Variants in HYDIN observed in about 807,000 individuals in gnomAD.
HYDIN encodes HYDIN axonemal central pair apparatus protein.
In HYDIN, 132 loss-of-function variants were observed where a neutral mutation model predicts 403.9. The ratio of observed to expected loss-of-function variants is 0.33; its 90% CI spans 0.28 to 0.38. The LOEUF (loss-of-function observed/expected upper bound fraction) is 0.38. Ranked by LOEUF, HYDIN falls within the 10% of genes least tolerant of loss-of-function variation. The pLI is 1.00. For missense variants in HYDIN, 2,827 were observed against 5,009.5 expected (o/e 0.56, Z 13.15); for synonymous variants, 1,202 against 1,891.7 (o/e 0.64, Z 9.46).
rs957555445 is a variant in HYDIN, at chr16:70,802,964, G to C, written c.*4616C>G. On this transcript the variant is annotated 3_prime_UTR_variant, in exon 86 of 86. Coordinates refer to ENST00000393567, the MANE Select transcript of HYDIN (RefSeq NM_001270974.2). ...GTTTGGTTTTAGGATTTTGATGATG[G>C]TTGATGAAAAACACTGAAAAAATGT... 19 of 152,136 alleles carry C rather than the reference G, an allele frequency of 1.2e-4. No homozygotes were observed. The highest frequency in any genetic ancestry group is 2.6e-4 in the Non-Finnish European group (18 of 68,026). 9.4% of individuals were successfully genotyped at this position (152,136 alleles called of 1,614,324 possible). A position where few individuals can be genotyped will look rare whatever the true frequency, so the allele number is the denominator to read the frequency against.
At chr16:71,074,226 T>A (rs946511457) in intron 13 of HYDIN, among the ~76,000 whole-genome samples, 8 of 151,478 alleles carry the variant, frequency 5.3e-5, no homozygotes, top group African/African-American at 1.9e-4. Flanking sequence ...ATAACTAAAA[T>A]ATTCCTCCAA....
At chr16:70,808,547 T>C (rs1342723770) in intron 85 of HYDIN, among the ~76,000 whole-genome samples, 1 of 152,156 alleles carries the variant, frequency 6.6e-6, no homozygotes, top group Non-Finnish European at 1.5e-5. Context: ...GAGATGGTGC[T>C]TGAATCCCAA....
intron 10 of HYDIN, among the ~76,000 whole-genome samples, chr16:71,095,601 C>T (rs368172607): frequency 1.3e-5 from 2 of 150,992 alleles, no homozygotes; most frequent in Admixed American, 1.3e-4. Flanking sequence ...GGATCTTACC[C>T]GATGCTTACT....
chr16:71,086,081 C>T (rs574822639), intron 12 of HYDIN, among the ~76,000 whole-genome samples: 1 of 152,204 alleles, frequency 6.6e-6, no homozygotes, highest in Admixed American at 6.6e-5. Flanking sequence ...CTCTATTCCT[C>T]CATTACTGCC....
chr16:71,074,596 A>T (rs1396444278), intron 13 of HYDIN, among the ~76,000 whole-genome samples: 1 of 136,494 alleles, frequency 7.3e-6, no homozygotes, highest in African/African-American at 2.7e-5. Context: ...AGGCAGGAGA[A>T]TTGCTTGCTC....
At chr16:71,096,457 A>C (rs1405003493) in intron 10 of HYDIN, among the ~76,000 whole-genome samples, 2 of 151,946 alleles carry the variant, frequency 1.3e-5, no homozygotes, top group Admixed American at 6.5e-5. Flanking sequence ...TTTCTTCTCC[A>C]CTTTTCACCT....
intron 18 of HYDIN, among the ~76,000 whole-genome samples, chr16:71,037,757 TG>T (rs1159173678): frequency 1.3e-5 from 2 of 152,294 alleles, no homozygotes; most frequent in African/African-American, 2.4e-5. Context: ...GCCAATGACC[TG>T]GGGGGCCCAG....
intron 84 of HYDIN, among the ~76,000 whole-genome samples, chr16:70,813,907 T>C (rs1175482090): frequency 3.3e-5 from 5 of 152,112 alleles, no homozygotes; most frequent in Non-Finnish European, 5.9e-5. Flanking sequence ...TGCTCTGATA[T>C]TGGCACAAAT....
At chr16:70,881,224 CAAAA>C (rs58562653) in intron 60 of HYDIN, among the ~76,000 whole-genome samples, 1 of 56,878 alleles carries the variant, frequency 1.8e-5, no homozygotes, top group African/African-American at 1.0e-4. Flanking sequence ...GAGACTGTCT[CAAAA>C]AAAAAAAAAA....
chr16:71,227,797 T>C (rs1232778958), intron 1 of HYDIN, among the ~76,000 whole-genome samples: 3 of 152,130 alleles, frequency 2.0e-5, no homozygotes, highest in Non-Finnish European at 4.4e-5. Flanking sequence ...ATTCACAGAA[T>C]TGGAAAAAAC....
intron 1 of HYDIN, among the ~76,000 whole-genome samples, chr16:71,211,191 G>C (rs550456868): frequency 6.6e-6 from 1 of 152,170 alleles, no homozygotes; most frequent in African/African-American, 2.4e-5. Context: ...AGAATAAAAA[G>C]AAAGAGGAAA....
chr16:71,227,510 T>C (rs557427803), intron 1 of HYDIN, among the ~76,000 whole-genome samples: 1 of 152,294 alleles, frequency 6.6e-6, no homozygotes, highest in Non-Finnish European at 1.5e-5. Flanking sequence ...AGCATTCTTA[T>C]ACACCAATAA....
intron 21 of HYDIN, among the ~76,000 whole-genome samples, chr16:71,020,786 G>A (rs1380654394): frequency 1.4e-5 from 2 of 147,828 alleles, no homozygotes; most frequent in Non-Finnish European, 3.0e-5. Context: ...TCCAGCCTGG[G>A]TGATAGAGTA....
At chr16:70,854,111 C>T (rs1348018524) in intron 73 of HYDIN, among the ~76,000 whole-genome samples, 3 of 151,760 alleles carry the variant, frequency 2.0e-5, no homozygotes, top group African/African-American at 7.3e-5. Context: ...AACTCCTGAC[C>T]TCAGGTGATC....
At chr16:70,847,373 C>A (rs1166831094) in intron 75 of HYDIN, among the ~76,000 whole-genome samples, 1 of 152,136 alleles carries the variant, frequency 6.6e-6, no homozygotes, top group African/African-American at 2.4e-5. Context: ...TATGCAGTTA[C>A]CTTTACTGGT....
Position 70,949,287 on chromosome 16 carries a change from A to G in HYDIN, c.6531+3134T>C, listed in dbSNP as rs1433526592. On this transcript the variant is annotated intron_variant, in intron 41 of 85. Coordinates refer to ENST00000393567, the MANE Select transcript of HYDIN (RefSeq NM_001270974.2). ...AACACATGGACACAGGAAGGGGAAC[A>G]TCACACTCTGGGGACTGTTGTGGGG... Among the ~76,000 whole-genome samples the G allele has an allele frequency of 8.0e-5, 10 of 124,348 alleles. No individual in the cohort carries two copies. The Admixed American group carries it at 9.7e-4, about 12-fold the overall frequency. 81.6% of individuals were successfully genotyped at this position (124,348 alleles called of 152,430 possible). A position where few individuals can be genotyped will look rare whatever the true frequency, so the allele number is the denominator to read the frequency against.
intron 84 of HYDIN, chr16:70,811,258 C>CAAA (rs965867430): frequency 3.3e-5 from 5 of 151,968 alleles, no homozygotes; most frequent in African/African-American, 1.2e-4. Flanking sequence ...CCTGTTTCTA[C>CAAA]AAACAACAAC....
chr16:70,984,281 A>G (rs2079123222), intron 28 of HYDIN, among the ~76,000 whole-genome samples: 1 of 150,468 alleles, frequency 6.6e-6, no homozygotes, highest in Admixed American at 6.6e-5. Context: ...GGTCCCAGCT[A>G]TGTGGGAGGC....
At position 70,952,542 on chromosome 16, in the gene HYDIN, G is replaced by T. The variant is rs1335744042; in HGVS notation, c.6410C>A (p.Ala2137Asp). ...GKLASEMTLV[A>D]PEIKPGKSVR... ...ACTCTTTCCAGGTTTAATTTCTGGGGCCACCAGAGTCATCTCGGAGGCTAA... is the reference window on the plus strand; with the variant it reads ...ACTCTTTCCAGGTTTAATTTCTGGGTCCACCAGAGTCATCTCGGAGGCTAA... Residue 2137 changes from alanine (A) to aspartate (D), a missense_variant, in exon 41 of 86, where the codon GCC (alanine) becomes GAC (aspartate). Transcript: ENST00000393567. The T allele has an allele frequency of 6.2e-7, 1 of 1,613,160 alleles. No homozygotes were observed. The highest frequency in any genetic ancestry group is 1.1e-5 in the South Asian group (1 of 90,944).
Sources: allele counts gnomAD v4.1 joint callset (sites outside exome capture counted in the v4.1 genomes callset), GRCh38; gene constraint gnomAD v4.1.1; transcripts MANE v1.5; gene names NCBI Gene and HGNC (gene_info 2026-07-23, HGNC 2026-07-21).